SCN1A: variants seen among roughly 807,000 people sequenced by gnomAD.
SCN1A encodes the protein sodium voltage-gated channel alpha subunit 1.
A neutral mutation model predicts 193.7 loss-of-function variants in SCN1A; 13 were observed. The observed-to-expected ratio is 0.07, with a 90% CI of 0.04 to 0.11. The LOEUF (loss-of-function observed/expected upper bound fraction) is 0.11, where lower values mean the gene tolerates loss of function less well. SCN1A is among the 10% of genes least tolerant of loss of function. SCN1A has a pLI of 1.00. For missense variants in SCN1A, 1,432 were observed against 2,451.1 expected, an observed-to-expected ratio of 0.58 and a Z score of 8.78; for synonymous variants, 781 against 843.6, an observed-to-expected ratio of 0.93 and a Z score of 1.29.
At chr2:166,003,666 G>C (rs148913689) in intron 23 of SCN1A, among the ~76,000 whole-genome samples, 28 of 151,666 alleles carry the variant, frequency 1.8e-4, no homozygotes, top group Non-Finnish European at 3.5e-4. Flanking sequence ...GAGCTGCACA[G>C]GAGTGGCTAA....
At chr2:166,140,855 A>G (rs1430944237) in intron 1 of SCN1A, among the ~76,000 whole-genome samples, 1 of 152,208 alleles carries the variant, frequency 6.6e-6, no homozygotes, top group African/African-American at 2.4e-5. Context: ...GGATACTTTC[A>G]GAATTTTAAA....
intron 2 of SCN1A, among the ~76,000 whole-genome samples, chr2:166,112,870 A>C (rs1481675976): frequency 6.6e-6 from 1 of 152,178 alleles, no homozygotes; most frequent in Non-Finnish European, 1.5e-5. Flanking sequence ...TTATGCCTAC[A>C]TAATGAGACC....
At chr2:166,055,086 G>A (rs1698992804) in intron 6 of SCN1A, among the ~76,000 whole-genome samples, 2 of 151,758 alleles carry the variant, frequency 1.3e-5, no homozygotes, top group Non-Finnish European at 2.9e-5. Context: ...TGATGGAATA[G>A]CCAATCAATA....
At position 165,990,142 on chromosome 2, in the gene SCN1A, A is replaced by G. The variant is rs1559094450; in HGVS notation, c.*1103T>C. The G allele has an allele frequency of 6.6e-6, 1 of 152,562 alleles. No individual in the cohort carries two copies. The highest frequency in any genetic ancestry group is 1.5e-5 in the Non-Finnish European group (1 of 68,018). 9.5% of individuals were successfully genotyped at this position (152,562 alleles called of 1,614,324 possible). A position where few individuals can be genotyped will look rare whatever the true frequency, so the allele number is the denominator to read the frequency against. The stretch of plus-strand genomic sequence containing the variant: ...ACTATCTATAAATGGTACAGAATAC[A>G]TTTTATTACCTGTGTAAAGCTTGCA... On this transcript the variant is annotated 3_prime_UTR_variant, in exon 29 of 29. Transcript: ENST00000674923.
chr2:166,015,676 C>G lies in SCN1A; in HGVS notation c.3481G>C (p.Ala1161Pro), dbSNP rs201079458. Residue 1161 changes from alanine (A) to proline (P), a missense_variant, in exon 20 of 29, where the codon GCA becomes CCA. Physicochemically the swap from Ala to Pro is conservative, Grantham distance 27. Coordinates refer to ENST00000674923, the MANE Select transcript of SCN1A (RefSeq NM_001165963.4). ...SSEGSTVDIG[A>P]PVEEQPVVEP... Reference sequence around the variant, plus strand: ...ACTACGGGCTGTTCTTCTACAGGTGCGCCGATGTCCACAGTGCTACCTTCT... The same window carrying G: ...ACTACGGGCTGTTCTTCTACAGGTGGGCCGATGTCCACAGTGCTACCTTCT... 1 of 1,612,696 alleles carries G rather than the reference C, an allele frequency of 6.2e-7. No individual in the cohort carries two copies. Among genetic ancestry groups the G allele is most frequent in the South Asian group, 1.1e-5 (1 of 91,060 alleles).
chr2:166,053,187 G>T, intron 7 of SCN1A: 1 of 726,138 alleles, frequency 1.4e-6, no homozygotes. Flanking sequence ...TTACTTGCAT[G>T]GGTCTTTTAT....
intron 19 of SCN1A, among the ~76,000 whole-genome samples, chr2:166,018,836 A>C (rs958131117): frequency 6.6e-6 from 1 of 152,132 alleles, no homozygotes; most frequent in Non-Finnish European, 1.5e-5. Flanking sequence ...TTTTAAGTAC[A>C]TGAGCAAGCG....
At chr2:166,066,086 G>A (rs1052026189) in intron 4 of SCN1A, among the ~76,000 whole-genome samples, 1 of 152,090 alleles carries the variant, frequency 6.6e-6, no homozygotes, top group South Asian at 2.1e-4. Flanking sequence ...TGGAGGGTTG[G>A]GGCCAGTGGA....
chr2:166,073,213 C>A, intron 4 of SCN1A, 145 bp downstream of exon 4: 1 of 914,710 alleles, frequency 1.1e-6, no homozygotes. Flanking sequence ...CATGTATATG[C>A]ATAAACCACC....
chr2:165,991,355 C>A lies in SCN1A; in HGVS notation c.5920G>T (p.Asp1974Tyr), dbSNP rs745464724. The A allele has an allele frequency of 1.2e-6, 2 of 1,613,222 alleles. No homozygotes were observed. Among genetic ancestry groups the A allele is most frequent in the South Asian group, 1.1e-5 (1 of 90,984 alleles). The change falls in exon 29 of 29, where the codon GAT becomes TAT. Residue 1974 changes from aspartate (D) to tyrosine (Y), a missense_variant. By Grantham distance (160) the Asp-to-Tyr change is radical. This residue lies in a region of SCN1A where 148 missense variants were observed against 160.3 expected (regional missense o/e 0.92). Coordinates refer to ENST00000674923, the MANE Select transcript of SCN1A (RefSeq NM_001165963.4). ...CAAGCTGCAGTGGACATGGTCAGAT[C>A]AGTTTTTTCTGTAATAGAGTTTTCA... is the stretch of plus-strand genomic sequence containing the variant. ...INENSITEKT[D>Y]LTMSTAACPP...
At chr2:165,997,135 T>G (rs1261788124) in intron 26 of SCN1A, among the ~76,000 whole-genome samples, 3 of 151,172 alleles carry the variant, frequency 2.0e-5, no homozygotes, top group Admixed American at 2.0e-4. Context: ...AGGAAATAAT[T>G]AAAGCCTTAT....
intron 2 of SCN1A, among the ~76,000 whole-genome samples, chr2:166,098,893 C>T (rs1392204293): frequency 2.0e-5 from 3 of 152,162 alleles, no homozygotes; most frequent in Non-Finnish European, 4.4e-5. Context: ...ATTCCATGCT[C>T]ATGGGTAGGA....
chr2:166,061,760 G>A (rs1683332988), intron 4 of SCN1A, among the ~76,000 whole-genome samples: 2 of 152,114 alleles, frequency 1.3e-5, no homozygotes, highest in Non-Finnish European at 2.9e-5. Context: ...TGAGTTTAAT[G>A]AAACCAAAGC....
intron 27 of SCN1A, among the ~76,000 whole-genome samples, chr2:165,995,084 T>C (rs953388674): frequency 3.3e-5 from 5 of 151,860 alleles, no homozygotes; most frequent in African/African-American, 4.8e-5. Flanking sequence ...GTGATTCTGC[T>C]TCCCATTTCT....
In SCN1A at chr2:165,991,444, T is replaced by A. The variant is rs753059561; in HGVS notation, c.5831A>T (p.Lys1944Ile). Reference sequence around the variant, plus strand: ...ATTAGCCCCACCTTTGATTTTGTTTTTATTGTACGTAAAGGAAGCTTGTTT... The same window carrying A: ...ATTAGCCCCACCTTTGATTTTGTTTATATTGTACGTAAAGGAAGCTTGTTT... ...TVKQASFTYNKNKIKGGANLL... is the reference protein window; with the variant it reads ...TVKQASFTYNINKIKGGANLL... Residue 1944 changes from lysine (K) to isoleucine (I), a missense_variant, in exon 29 of 29, where the codon AAA becomes ATA. Lys to Ile is a moderately radical substitution (Grantham distance 102, BLOSUM62 -3). Around this residue, in one of 18 missense-constraint regions of SCN1A, gnomAD observed 148 missense variants for 160.3 expected, o/e 0.92. Transcript: ENST00000674923. 14 of 1,613,770 alleles carry A rather than the reference T, an allele frequency of 8.7e-6. No homozygotes were observed. The highest frequency in any genetic ancestry group is 1.3e-5 in the African/African-American group (1 of 74,906).
intron 2 of SCN1A, among the ~76,000 whole-genome samples, chr2:166,108,610 G>A (rs1361355882): frequency 6.6e-6 from 1 of 152,050 alleles, no homozygotes; most frequent in African/African-American, 2.4e-5. Flanking sequence ...TCCATATAAG[G>A]GAGTATGATT....
rs76716692 is a variant in SCN1A at position 166,055,099 on chromosome 2, A to C, written c.474-333T>G. On this transcript the variant is annotated intron_variant, in intron 6 of 28. Coordinates refer to ENST00000674923, the MANE Select transcript of SCN1A (RefSeq NM_001165963.4). ...CATGATGGAATAGCCAATCAATAAT[A>C]TTGCAGAAGCATGAAATGATTTTCT... 0.024 allele frequency among the ~76,000 whole-genome samples: 3,676 copies of C among 152,016 alleles called. 222 individuals carry two copies. Among genetic ancestry groups the C allele is most frequent in the Admixed American group, 0.14 (2,162 of 15,198 alleles).
At chr2:166,124,049 A>G (rs904030286) in intron 2 of SCN1A, among the ~76,000 whole-genome samples, 3 of 151,952 alleles carry the variant, frequency 2.0e-5, no homozygotes, top group South Asian at 2.1e-4. Flanking sequence ...TCTCATCCTC[A>G]CTATCTCTTT....
chr2:166,061,409 CAAA>C (rs1683291492), intron 4 of SCN1A, among the ~76,000 whole-genome samples: 1 of 151,936 alleles, frequency 6.6e-6, no homozygotes, highest in South Asian at 2.1e-4. Flanking sequence ...GGATTCTAGA[CAAA>C]AATCGGGGAA....
Sources: allele counts gnomAD v4.1 joint callset (sites outside exome capture counted in the v4.1 genomes callset), GRCh38; gene constraint gnomAD v4.1.1; regional missense constraint gnomAD v4.1.1; transcripts MANE v1.5; gene names NCBI Gene and HGNC (gene_info 2026-07-23, HGNC 2026-07-21).